SLC2A14: variants seen among roughly 807,000 people sequenced by gnomAD.
SLC2A14 encodes the protein solute carrier family 2, facilitated glucose transporter member 14.
In SLC2A14, 13 loss-of-function variants were observed where a neutral mutation model predicts 43.0. The observed-to-expected ratio is 0.30, with a 90% CI of 0.20 to 0.48. SLC2A14 has a LOEUF of 0.48. Ranked by LOEUF, SLC2A14 falls within the 20% of genes least tolerant of loss-of-function variation. The pLI, the probability that SLC2A14 is intolerant of heterozygous loss-of-function variation, is 0.99. For missense variants in SLC2A14, 428 were observed against 620.4 expected, an observed-to-expected ratio of 0.69 and a Z score of 3.29; for synonymous variants, 190 against 233.8, an observed-to-expected ratio of 0.81 and a Z score of 1.71.
At chr12:7,884,714 A>T (rs7303209) in intron 1 of SLC2A14, among the ~76,000 whole-genome samples, 102,745 of 151,930 alleles carry the variant, frequency 0.68, 34,932 homozygotes, top group Admixed American at 0.76. Context: ...TGAGAAATTG[A>T]GAAGGCGATT....
intron 2 of SLC2A14, among the ~76,000 whole-genome samples, chr12:7,846,525 C>A (rs1001107728): frequency 1.6e-4 from 25 of 151,964 alleles, no homozygotes; most frequent in African/African-American, 6.0e-4. Flanking sequence ...TAAGGGCATT[C>A]CAAGTGTATT....
At chr12:7,885,392 G>A (rs1027323606) in intron 1 of SLC2A14, among the ~76,000 whole-genome samples, 4 of 152,096 alleles carry the variant, frequency 2.6e-5, no homozygotes, top group African/African-American at 9.7e-5. Context: ...TTGAATCCAG[G>A]AGAGGGAGGT....
At chr12:7,837,407 A>G (rs1439753676) in intron 2 of SLC2A14, among the ~76,000 whole-genome samples, 1 of 152,138 alleles carries the variant, frequency 6.6e-6, no homozygotes, top group Non-Finnish European at 1.5e-5. Context: ...TGGGAGGCCA[A>G]GGCAGGAGGA....
At chr12:7,842,172 A>C (rs1307545613) in intron 2 of SLC2A14, among the ~76,000 whole-genome samples, 1 of 151,954 alleles carries the variant, frequency 6.6e-6, no homozygotes, top group Non-Finnish European at 1.5e-5. Flanking sequence ...GGCTTATTTC[A>C]CTTAGTGATA....
At position 7,861,316 on chromosome 12, in the gene SLC2A14, T is replaced by A. The variant is rs1296236512; in HGVS notation, c.18+8547A>T. Among the ~76,000 whole-genome samples the A allele has an allele frequency of 1.5e-3, 235 of 152,236 alleles. 1 individual carries two copies. The highest frequency in any genetic ancestry group is 2.5e-4 in the Non-Finnish European group (17 of 68,002). ...AAAACTATGTATTTCCCCTACACAT[T>A]TTTAAGTTGACATCTAAGAAAATTT... On this transcript the variant is annotated intron_variant, in intron 2 of 10. Coordinates refer to ENST00000431042, the MANE Select transcript of SLC2A14 (RefSeq NM_001286234.2).
rs1242848195 is a variant in SLC2A14 at position 7,839,824 on chromosome 12, A to T, written c.19-7010T>A. 4 of 450,530 alleles carry T rather than the reference A, an allele frequency of 8.9e-6. No individual in the cohort carries two copies. The Admixed American group carries it at 9.6e-5, about 11-fold the overall frequency. 27.9% of individuals were successfully genotyped at this position (450,530 alleles called of 1,614,324 possible). ...CTCGATGGCTCATGCCTGTAATCTCAGCACTTTTGGAGGTCAAGGCGGGAG... is the reference window on the plus strand; with the variant it reads ...CTCGATGGCTCATGCCTGTAATCTCTGCACTTTTGGAGGTCAAGGCGGGAG... On this transcript the variant is annotated intron_variant, in intron 2 of 10. Transcript: ENST00000431042.
At chr12:7,815,877 GTTTTGTTTTTTTTTGTTT>G (rs1863398351) in intron 10 of SLC2A14, among the ~76,000 whole-genome samples, 2 of 105,704 alleles carry the variant, frequency 1.9e-5, no homozygotes, top group Admixed American at 1.7e-4. Flanking sequence ...TGCCTGGCCA[GTTTTGTTTTTTTTTGTTT>G]TTTTGTTTTT....
intron 2 of SLC2A14, among the ~76,000 whole-genome samples, chr12:7,854,903 C>T (rs781044700): frequency 5.3e-5 from 8 of 152,052 alleles, no homozygotes; most frequent in Non-Finnish European, 1.2e-4. Context: ...CTCCGCCTCC[C>T]GTGTTCAAGC....
chr12:7,846,132 T>C (rs1484081960), intron 2 of SLC2A14, among the ~76,000 whole-genome samples: 1 of 151,714 alleles, frequency 6.6e-6, no homozygotes, highest in African/African-American at 2.4e-5. Context: ...GAACTAGAAA[T>C]GCAAACTCAA....
At chr12:7,861,558 AGG>A (rs1391210073) in intron 2 of SLC2A14, among the ~76,000 whole-genome samples, 3 of 152,148 alleles carry the variant, frequency 2.0e-5, no homozygotes, top group Non-Finnish European at 4.4e-5. Context: ...AGTGGATTGC[AGG>A]CTGTATTTCA....
chr12:7,871,066 C>T (rs1406915909), intron 1 of SLC2A14: 2 of 1,399,728 alleles, frequency 1.4e-6, no homozygotes, highest in African/African-American at 2.9e-5. Context: ...TGAATACCTG[C>T]AGGGCATGAT....
Position 7,814,194 on chromosome 12 carries a change from A to G in SLC2A14, c.*122T>C, listed in dbSNP as rs1725086260. On this transcript the variant is annotated 3_prime_UTR_variant, in exon 11 of 11. Transcript: ENST00000431042. ...TTGGGGTGCTCATGGAGTGCGTGGG[A>G]TGAGAAAGAAATCAAGTAGCAGCAT... 4 of 1,503,366 alleles carry G rather than the reference A, an allele frequency of 2.7e-6. No individual in the cohort carries two copies. The highest frequency in any genetic ancestry group is 2.3e-4 in the Middle Eastern group (1 of 4,372). 93.1% of individuals were successfully genotyped at this position (1,503,366 alleles called of 1,614,324 possible).
At chr12:7,862,364 C>T (rs1005785820) in intron 2 of SLC2A14, among the ~76,000 whole-genome samples, 30 of 151,956 alleles carry the variant, frequency 2.0e-4, no homozygotes, top group Non-Finnish European at 4.3e-4. Context: ...GGTCCCCCAG[C>T]AGTGCCAGCC....
intron 1 of SLC2A14, among the ~76,000 whole-genome samples, chr12:7,879,909 G>A (rs1592329906): frequency 6.6e-6 from 1 of 151,878 alleles, no homozygotes; most frequent in East Asian, 1.9e-4. Context: ...GGGAGCCAGA[G>A]ACAGGAGAAT....
At chr12:7,863,411 G>A (rs756775005) in intron 2 of SLC2A14, 4 of 453,382 alleles carry the variant, frequency 8.8e-6, no homozygotes, top group African/African-American at 2.0e-5. Flanking sequence ...GTGAGACCAA[G>A]AACCCACCAA....
At chr12:7,874,955 T>C (rs1194213604), upstream of SLC2A14, among the ~76,000 whole-genome samples, 132 of 6,304 alleles carry the variant, frequency 0.021, 13 homozygotes, top group African/African-American at 0.033. Context: ...TAAATATATT[T>C]ATATATAAAT....
intron 2 of SLC2A14, among the ~76,000 whole-genome samples, chr12:7,841,618 T>G (rs1865952699): frequency 6.6e-6 from 1 of 152,248 alleles, no homozygotes; most frequent in South Asian, 2.1e-4. Flanking sequence ...TTACATAAAG[T>G]CCATAGTTTA....
intron 2 of SLC2A14, among the ~76,000 whole-genome samples, chr12:7,855,443 CTGTT>C (rs1867279600): frequency 2.0e-5 from 3 of 151,926 alleles, no homozygotes; most frequent in South Asian, 4.2e-4. Context: ...GCCCAACTCT[CTGTT>C]TGTTTTTTGA....
In SLC2A14 at chr12:7,838,539, A is replaced by G. The variant is rs762341390; in HGVS notation, c.19-5725T>C. Among the ~76,000 whole-genome samples, 228 of 152,308 alleles carry G rather than the reference A, an allele frequency of 1.5e-3. 1 individual carries two copies. Among genetic ancestry groups the G allele is most frequent in the African/African-American group, 5.2e-3 (218 of 41,560 alleles). ...TCCCACAATTATATTATGAAAGCAC[A>G]TAACTTGTCTGGTTTCCCAGGCTCA... On this transcript the variant is annotated intron_variant, in intron 2 of 10. Transcript: ENST00000431042.
Sources: gnomAD v4.1 joint callset for allele counts (sites outside exome capture counted in the v4.1 genomes callset) on GRCh38, gnomAD v4.1.1 for gene constraint, MANE v1.5 for transcripts, NCBI Gene and HGNC (gene_info 2026-07-23, HGNC 2026-07-21) for gene names.